Variants in DOK5 observed in about 807,000 individuals in gnomAD.
DOK5 encodes downstream of tyrosine kinase 5.
Under a neutral mutation model 43.3 loss-of-function variants are expected in DOK5, and 27 were observed. The observed-to-expected ratio is 0.62, with a 90% CI of 0.46 to 0.86. The LOEUF is 0.86. DOK5 is among the 40% of genes least tolerant of loss of function. The pLI is 0.00. For synonymous variants in DOK5, 146 were observed against 140.1 expected (o/e 1.04, Z -0.30); for missense variants, 373 against 392.9 (o/e 0.95, Z 0.43).
At chr20:54,602,160 G>A (rs1986318878) in intron 5 of DOK5, among the ~76,000 whole-genome samples, 1 of 152,194 alleles carries the variant, frequency 6.6e-6, no homozygotes, top group African/African-American at 2.4e-5. Flanking sequence ...GGTTAAAATA[G>A]CAACAACAAC....
intron 6 of DOK5, among the ~76,000 whole-genome samples, chr20:54,638,667 G>A (rs947732737): frequency 6.6e-6 from 1 of 151,754 alleles, no homozygotes; most frequent in African/African-American, 2.4e-5. Context: ...CCAGGGACAT[G>A]ATTTTAGTAG....
chr20:54,502,877 A>G (rs1373932592), intron 1 of DOK5, among the ~76,000 whole-genome samples: 2 of 152,200 alleles, frequency 1.3e-5, no homozygotes, highest in African/African-American at 4.8e-5. Flanking sequence ...ACTACAATGC[A>G]TATCTTTACA....
intron 6 of DOK5, among the ~76,000 whole-genome samples, chr20:54,621,095 T>G (rs575272209): frequency 6.6e-6 from 1 of 152,296 alleles, no homozygotes; most frequent in African/African-American, 2.4e-5. Flanking sequence ...ATGAGGCAGA[T>G]CTCAAGGTGG....
intron 1 of DOK5, among the ~76,000 whole-genome samples, chr20:54,542,415 A>G (rs1179935103): frequency 6.6e-6 from 1 of 152,264 alleles, no homozygotes; most frequent in Non-Finnish European, 1.5e-5. Flanking sequence ...TAGACAAATA[A>G]ATATAACAAA....
chr20:54,637,678 G>T (rs1178093967), intron 6 of DOK5, among the ~76,000 whole-genome samples: 2 of 152,240 alleles, frequency 1.3e-5, no homozygotes, highest in Non-Finnish European at 2.9e-5. Flanking sequence ...CTTCTAATTT[G>T]ATAGCTTGGT....
intron 1 of DOK5, among the ~76,000 whole-genome samples, chr20:54,511,719 A>G (rs1983021534): frequency 6.6e-6 from 1 of 152,222 alleles, no homozygotes; most frequent in Non-Finnish European, 1.5e-5. Flanking sequence ...TGCTGGAGTC[A>G]GTGACATTGA....
chr20:54,485,763 A>G (rs76007822), intron 1 of DOK5, among the ~76,000 whole-genome samples: 3,777 of 152,356 alleles, frequency 0.025, 150 homozygotes, highest in African/African-American at 0.082. Flanking sequence ...ACCATTTTAC[A>G]TTCACATTAG....
intron 7 of DOK5, among the ~76,000 whole-genome samples, chr20:54,647,244 C>T (rs1486088632): frequency 6.6e-6 from 1 of 152,120 alleles, no homozygotes. Flanking sequence ...GTGGCTCACA[C>T]CTGTAATCAC....
intron 6 of DOK5, among the ~76,000 whole-genome samples, chr20:54,622,803 A>C (rs1206817002): frequency 1.3e-5 from 2 of 152,142 alleles, no homozygotes; most frequent in East Asian, 3.9e-4. Context: ...CCTATTTCCC[A>C]GTGTCGAGCA....
chr20:54,609,462 TA>T (rs2146791874), intron 5 of DOK5, among the ~76,000 whole-genome samples: 1 of 152,030 alleles, frequency 6.6e-6, no homozygotes, highest in African/African-American at 2.4e-5. Flanking sequence ...AAAATATTTA[TA>T]ATAATTAAAT....
intron 1 of DOK5, among the ~76,000 whole-genome samples, chr20:54,513,117 G>C (rs1271785766): frequency 6.6e-6 from 1 of 152,058 alleles, no homozygotes; most frequent in African/African-American, 2.4e-5. Flanking sequence ...CTTTAATAAG[G>C]GGCAGAATAT....
chr20:54,554,898 G>T (rs775821940), intron 1 of DOK5, 35 bp from the exon 2 acceptor site: 3 of 1,306,776 alleles, frequency 2.3e-6, no homozygotes, highest in Admixed American at 1.7e-5. Context: ...TCAGTCAGGG[G>T]AGATGCTGAG....
At chr20:54,551,702 T>C (rs6098081) in intron 1 of DOK5, among the ~76,000 whole-genome samples, 3,109 of 152,340 alleles carry the variant, frequency 0.02, 103 homozygotes, top group African/African-American at 0.071. Flanking sequence ...TTTGTATCTG[T>C]GTTTTTATAT....
chr20:54,562,638 G>A (rs963208321), intron 2 of DOK5, among the ~76,000 whole-genome samples: 1 of 151,882 alleles, frequency 6.6e-6, no homozygotes, highest in South Asian at 2.1e-4. Flanking sequence ...TGCTGGTCTC[G>A]AACTCGTGGG....
chr20:54,495,660 G>A (rs140947580), intron 1 of DOK5, among the ~76,000 whole-genome samples: 1,590 of 152,290 alleles, frequency 0.01, 36 homozygotes, highest in African/African-American at 0.036. Context: ...GGAGGCCAAG[G>A]TGGGCTGATC....
chr20:54,563,093 G>A (rs1008898798), intron 2 of DOK5, among the ~76,000 whole-genome samples: 31 of 152,310 alleles, frequency 2.0e-4, no homozygotes, highest in African/African-American at 7.2e-4. Context: ...AGGTGTCAAG[G>A]ACTGCGGCAG....
At chr20:54,646,248 G>GTTTTTTGTTTTTTTTTTTTTT (rs1979415549) in intron 7 of DOK5, among the ~76,000 whole-genome samples, 18 of 79,930 alleles carry the variant, frequency 2.3e-4, no homozygotes, top group African/African-American at 9.5e-4. Flanking sequence ...TGGTTATACT[G>GTTTTTTGTTTTTTTTTTTTTT]TTTTTTTTTT....
chr20:54,547,075 C>A (rs1984373118), intron 1 of DOK5, among the ~76,000 whole-genome samples: 1 of 152,166 alleles, frequency 6.6e-6, no homozygotes, highest in African/African-American at 2.4e-5. Flanking sequence ...AGAAATACTA[C>A]CGTAGACCAG....
intron 1 of DOK5, among the ~76,000 whole-genome samples, chr20:54,529,871 G>C (rs1362423506): frequency 1.3e-5 from 2 of 152,152 alleles, no homozygotes; most frequent in Non-Finnish European, 2.9e-5. Context: ...TGTTTTTGAA[G>C]TTTCATCTAT....
Sources: gnomAD v4.1 joint callset for allele counts (sites outside exome capture counted in the v4.1 genomes callset) on GRCh38, gnomAD v4.1.1 for gene constraint, MANE v1.5 for transcripts, NCBI Gene and HGNC (gene_info 2026-07-23, HGNC 2026-07-21) for gene names.